ERBB4: variants seen among roughly 807,000 people sequenced by gnomAD.
ERBB4 encodes the protein erb-b2 receptor tyrosine kinase 4, also known as receptor tyrosine-protein kinase erbB-4.
A neutral mutation model predicts 158.0 loss-of-function variants in ERBB4; 42 were observed. That is an observed-to-expected ratio of 0.27 (90% confidence interval 0.21 to 0.34). ERBB4 has a LOEUF of 0.34. Among genes scored for constraint, ERBB4 ranks in the 10% least tolerant of loss-of-function variants. The probability of loss-of-function intolerance (pLI) is 1.00; values close to 1 mark genes in which losing one functional copy is unlikely to be tolerated. For synonymous variants in ERBB4, 583 were observed against 558.7 expected, an observed-to-expected ratio of 1.04 and a Z score of -0.61; for missense variants, 1,333 against 1,624.1, an observed-to-expected ratio of 0.82 and a Z score of 3.08.
At chr2:211,702,866 A>C (rs1254036104) in intron 11 of ERBB4, among the ~76,000 whole-genome samples, 1 of 152,190 alleles carries the variant, frequency 6.6e-6, no homozygotes, top group Non-Finnish European at 1.5e-5. Context: ...TTTGAGTGAC[A>C]GAAAATTGAA....
At chr2:211,852,702 C>T (rs199608425) in intron 3 of ERBB4, among the ~76,000 whole-genome samples, 4 of 145,264 alleles carry the variant, frequency 2.8e-5, no homozygotes, top group Admixed American at 2.1e-4. Context: ...ATACACAAAA[C>T]TTTTTTTTTT....
chr2:211,868,988 C>G (rs571665174), intron 3 of ERBB4, among the ~76,000 whole-genome samples: 2 of 152,274 alleles, frequency 1.3e-5, no homozygotes, highest in East Asian at 3.9e-4. Flanking sequence ...TCATAAACAT[C>G]ATTATGTTGC....
intron 12 of ERBB4, among the ~76,000 whole-genome samples, chr2:211,692,188 C>A (rs1348515213): frequency 6.6e-6 from 1 of 152,134 alleles, no homozygotes; most frequent in African/African-American, 2.4e-5. Flanking sequence ...CAGGGCCAGT[C>A]ATCTTTCATG....
At chr2:212,114,716 CTT>C (rs1303089227) in intron 2 of ERBB4, among the ~76,000 whole-genome samples, 1 of 152,128 alleles carries the variant, frequency 6.6e-6, no homozygotes, top group Non-Finnish European at 1.5e-5. Flanking sequence ...TATGTAGAGT[CTT>C]TGTACTTCTT....
At chr2:211,888,663 A>C (rs2106174656) in intron 3 of ERBB4, among the ~76,000 whole-genome samples, 1 of 152,178 alleles carries the variant, frequency 6.6e-6, no homozygotes, top group East Asian at 1.9e-4. Context: ...AGGGAGTGCC[A>C]GACAGTGGGC....
rs1182651045 is a variant in ERBB4 at position 212,047,428 on chromosome 2, A to T, written c.234+77324T>A. On this transcript the variant is annotated intron_variant, in intron 2 of 27. Coordinates refer to ENST00000342788, the MANE Select transcript of ERBB4 (RefSeq NM_005235.3). ...AATCTTAACTTTCTTCTAATTCTCCATTTGACCATTCTTGAAGATTCTCCT... is the reference window on the plus strand; with the variant it reads ...AATCTTAACTTTCTTCTAATTCTCCTTTTGACCATTCTTGAAGATTCTCCT... Among the ~76,000 whole-genome samples, 5 of 152,032 alleles carry T rather than the reference A, an allele frequency of 3.3e-5. No homozygotes were observed. In the East Asian group the frequency reaches 9.6e-4, roughly 29 times the overall value.
intron 8 of ERBB4, 42 bp downstream of exon 8, chr2:211,713,493 T>C (rs1321566953): frequency 3.3e-6 from 4 of 1,224,232 alleles, no homozygotes; most frequent in African/African-American, 1.5e-5. Flanking sequence ...AACCTTGTTA[T>C]ATAGGCCCAG....
chr2:211,532,811 A>T (rs1170564868), intron 20 of ERBB4, among the ~76,000 whole-genome samples: 1 of 152,018 alleles, frequency 6.6e-6, no homozygotes, highest in African/African-American at 2.4e-5. Context: ...CCACCCACGT[A>T]AAACAGCACA....
intron 2 of ERBB4, among the ~76,000 whole-genome samples, chr2:212,118,046 C>T (rs866102395): frequency 2.0e-5 from 3 of 152,052 alleles, no homozygotes; most frequent in Non-Finnish European, 2.9e-5. Flanking sequence ...CAGCTTAGCC[C>T]GGACACAGAG....
At chr2:211,935,204 T>A (rs2080287099) in intron 3 of ERBB4, among the ~76,000 whole-genome samples, 2 of 152,190 alleles carry the variant, frequency 1.3e-5, no homozygotes, top group South Asian at 2.1e-4. Flanking sequence ...ATAGAAAGAA[T>A]CATAGTAACC....
At chr2:212,077,043 G>A (rs1247121320) in intron 2 of ERBB4, among the ~76,000 whole-genome samples, 8 of 151,838 alleles carry the variant, frequency 5.3e-5, no homozygotes, top group Non-Finnish European at 8.8e-5. Flanking sequence ...GTATAAAAAC[G>A]TATACAACCT....
At chr2:212,471,218 C>T (rs898047593) in intron 1 of ERBB4, among the ~76,000 whole-genome samples, 1 of 151,932 alleles carries the variant, frequency 6.6e-6, no homozygotes, top group Non-Finnish European at 1.5e-5. Context: ...TCTTACAATC[C>T]ATTTCATATT....
intron 13 of ERBB4, among the ~76,000 whole-genome samples, chr2:211,677,165 G>T (rs528355239): frequency 3.6e-4 from 54 of 152,068 alleles, no homozygotes; most frequent in African/African-American, 1.2e-3. Context: ...TATTTTTCTC[G>T]TGTAAAATGC....
intron 19 of ERBB4, among the ~76,000 whole-genome samples, chr2:211,580,868 TA>T (rs1401139100): frequency 0.86 from 51,853 of 60,542 alleles, 21,700 homozygotes; most frequent in Middle Eastern, 0.89. Context: ...TGCATATACA[TA>T]TATATATATA....
At chr2:211,586,244 TGACA>T (rs1410271258) in intron 19 of ERBB4, among the ~76,000 whole-genome samples, 1 of 151,986 alleles carries the variant, frequency 6.6e-6, no homozygotes, top group African/African-American at 2.4e-5. Flanking sequence ...AAAAACCAAA[TGACA>T]AACAAGAAAA....
intron 1 of ERBB4, among the ~76,000 whole-genome samples, chr2:212,270,564 C>A (rs58138021): frequency 0.074 from 11,204 of 151,752 alleles, 470 homozygotes; most frequent in Non-Finnish European, 0.096. Flanking sequence ...CTGGGCTGCA[C>A]CATGACCAAA....
At chr2:212,288,753 C>G (rs1167957069) in intron 1 of ERBB4, among the ~76,000 whole-genome samples, 1 of 152,066 alleles carries the variant, frequency 6.6e-6, no homozygotes, top group Non-Finnish European at 1.5e-5. Flanking sequence ...TACAACACCA[C>G]TATAACCCTT....
chr2:212,411,733 C>T (rs2091506523), intron 1 of ERBB4, among the ~76,000 whole-genome samples: 1 of 152,130 alleles, frequency 6.6e-6, no homozygotes, highest in Non-Finnish European at 1.5e-5. Context: ...CTCTCTCTCC[C>T]TTGCACCTTT....
chr2:211,511,019 A>T (rs917436188), intron 20 of ERBB4, among the ~76,000 whole-genome samples: 7 of 152,010 alleles, frequency 4.6e-5, no homozygotes, highest in African/African-American at 1.7e-4. Context: ...GCACCAAGGG[A>T]TTATGAAAAA....
Sources: gnomAD v4.1 joint callset for allele counts (sites outside exome capture counted in the v4.1 genomes callset) on GRCh38, gnomAD v4.1.1 for gene constraint, MANE v1.5 for transcripts, NCBI Gene and HGNC (gene_info 2026-07-23, HGNC 2026-07-21) for gene names.